The following NBPF11 variants were observed in gnomAD, a reference collection of about 807,000 sequenced individuals.
The protein encoded by NBPF11 is NBPF member 11, also known as NBPF family member NBPF11.
Under a neutral mutation model 93.9 loss-of-function variants are expected in NBPF11, and 72 were observed. The ratio of observed to expected loss-of-function variants is 0.77; its 90% CI spans 0.63 to 0.93. NBPF11 has a LOEUF of 0.93. Ranked by LOEUF, NBPF11 falls within the 40% of genes least tolerant of loss-of-function variation. NBPF11 has a pLI of 0.00. For synonymous variants in NBPF11, 224 were observed against 304.9 expected (o/e 0.73, Z 2.76); for missense variants, 705 against 802.2 (o/e 0.88, Z 1.46).
chr1:148,112,152 G>GTATATATA (rs1174997764), intron 15 of NBPF11, among the ~76,000 whole-genome samples: 6 of 119,690 alleles, frequency 5.0e-5, no homozygotes, highest in Admixed American at 1.7e-4. Flanking sequence ...TTGTGTGTAT[G>GTATATATA]TATATATATA....
At chr1:148,117,099 A>T (rs1224125430) in intron 12 of NBPF11, among the ~76,000 whole-genome samples, 1 of 151,802 alleles carries the variant, frequency 6.6e-6, no homozygotes, top group African/African-American at 2.4e-5. Context: ...TCATTTTGGA[A>T]AGCAGTTGTA....
At chr1:148,150,049 T>C (rs1419626317) in intron 1 of NBPF11, among the ~76,000 whole-genome samples, 3 of 151,808 alleles carry the variant, frequency 2.0e-5, no homozygotes, top group African/African-American at 4.9e-5. Context: ...ATCATTCATA[T>C]AGCTCTAAAA....
At chr1:148,111,618 A>C (rs1665292926) in intron 15 of NBPF11, among the ~76,000 whole-genome samples, 1 of 151,434 alleles carries the variant, frequency 6.6e-6, no homozygotes, top group South Asian at 2.1e-4. Context: ...CACAAGCTTC[A>C]GTAGCCAATT....
chr1:148,122,855 C>T (rs1370180216), intron 7 of NBPF11, 54 bp from the exon 8 acceptor site: 187 of 1,608,076 alleles, frequency 1.2e-4, no homozygotes, highest in Non-Finnish European at 1.5e-4. Context: ...TCTGCAAGCA[C>T]AGTCAGCCCA....
At chr1:148,146,637 C>A (rs1448242363) in intron 1 of NBPF11, 7 of 1,611,328 alleles carry the variant, frequency 4.3e-6, no homozygotes, top group Non-Finnish European at 5.9e-6. Flanking sequence ...ACAGCCAGCG[C>A]GAGCTGGACA....
chr1:148,108,156 G>A (rs1441585073), intron 18 of NBPF11, among the ~76,000 whole-genome samples: 1 of 149,288 alleles, frequency 6.7e-6, no homozygotes, highest in African/African-American at 2.5e-5. Context: ...TGAAAGTAGA[G>A]TGAAGGATGA....
intron 20 of NBPF11, among the ~76,000 whole-genome samples, 165 bp from the exon 21 acceptor site, chr1:148,106,397 T>C (rs1284322762): frequency 2.0e-5 from 3 of 149,338 alleles, no homozygotes; most frequent in Non-Finnish European, 4.4e-5. Context: ...TGATATTCTT[T>C]GGTTTGCATC....
rs1262882875 is a variant in NBPF11, at chr1:148,106,837, T to C, written c.2251+105A>G. On this transcript the variant is annotated intron_variant, in intron 20 of 23. Coordinates refer to ENST00000682118, the MANE Select transcript of NBPF11 (RefSeq NM_001385469.3). ...TATATGCACCCATAGGTCCTGCCTG[T>C]GGCAATGAAGTCTCTCGGGTCAGTA... 35 of 802,076 alleles carry C rather than the reference T, an allele frequency of 4.4e-5. 1 individual carries two copies. Among genetic ancestry groups the C allele is most frequent in the African/African-American group, 2.4e-4 (13 of 54,246 alleles). The allele number at this position is 802,076 out of a possible 1,614,324, so 49.7% of individuals were successfully genotyped here. A position where few individuals can be genotyped will look rare whatever the true frequency, so the allele number is the denominator to read the frequency against.
At chr1:148,148,136 C>T (rs1230323663) in intron 1 of NBPF11, among the ~76,000 whole-genome samples, 2 of 152,200 alleles carry the variant, frequency 1.3e-5, no homozygotes, top group Non-Finnish European at 2.9e-5. Flanking sequence ...CGAGGCAGAG[C>T]TGGGGCCACA....
chr1:148,123,589 C>T (rs1268175409), intron 7 of NBPF11, among the ~76,000 whole-genome samples: 4 of 151,584 alleles, frequency 2.6e-5, no homozygotes, highest in Non-Finnish European at 5.9e-5. Flanking sequence ...AGCCTCCTTC[C>T]TGTCCTTTAA....
intron 7 of NBPF11, 92 bp downstream of exon 7, chr1:148,123,761 C>T (rs2149242535): frequency 1.2e-6 from 2 of 1,608,072 alleles, no homozygotes; most frequent in Non-Finnish European, 1.7e-6. Flanking sequence ...GAAAAAAACC[C>T]CACTGATACA....
chr1:148,122,003 G>C lies in NBPF11; in HGVS notation c.778+52C>G, dbSNP rs1667984104. Reference sequence around the variant, plus strand: ...GTATATACAGCCTGTCCTCAGAATTGATCTTCCATAGCCTAGACAGAGGTA... The same window carrying C: ...GTATATACAGCCTGTCCTCAGAATTCATCTTCCATAGCCTAGACAGAGGTA... On this transcript the variant is annotated intron_variant, in intron 9 of 23. Transcript: ENST00000682118. 6 of 1,019,038 alleles carry C rather than the reference G, an allele frequency of 5.9e-6. No individual in the cohort carries two copies. The African/African-American group carries it at 9.4e-5, about 16-fold the overall frequency. The allele number at this position is 1,019,038 out of a possible 1,614,324, so 63.1% of individuals were successfully genotyped here.
At position 148,125,015 on chromosome 1, in the gene NBPF11, G is replaced by A. The variant is rs1668773716; in HGVS notation, c.176-14C>T. The A allele has an allele frequency of 6.4e-7, 1 of 1,556,860 alleles. No individual in the cohort carries two copies. Among genetic ancestry groups the A allele is most frequent in the African/African-American group, 1.4e-5 (1 of 73,830 alleles). On this transcript the variant is annotated splice_polypyrimidine_tract_variant and intron_variant, in intron 5 of 23. Transcript: ENST00000682118. The stretch of plus-strand genomic sequence containing the variant: ...ACTCTTCATACTCTGAGAAAAGACA[G>A]ACACGCCTGCCTCAGTGGAAGGCTG...
chr1:148,146,723 C>T, intron 1 of NBPF11: 4 of 1,612,158 alleles, frequency 2.5e-6, no homozygotes, highest in Non-Finnish European at 3.4e-6. Flanking sequence ...GTGCCTGGTG[C>T]CAGGTACACG....
chr1:148,136,363 A>G (rs1254262784), intron 3 of NBPF11, among the ~76,000 whole-genome samples: 1 of 152,046 alleles, frequency 6.6e-6, no homozygotes, highest in Non-Finnish European at 1.5e-5. Context: ...GTATTCAAAT[A>G]TCTATCAATA....
Position 148,104,456 on chromosome 1 carries a change from T to C in NBPF11, c.2581+81A>G, listed in dbSNP as rs2149160587. The C allele has an allele frequency of 1.5e-5, 9 of 602,062 alleles. No individual in the cohort carries two copies. In the South Asian group the frequency reaches 1.8e-4, roughly 12 times the overall value. The allele number at this position is 602,062 out of a possible 1,614,324, so 37.3% of individuals were successfully genotyped here. A position where few individuals can be genotyped will look rare whatever the true frequency, so the allele number is the denominator to read the frequency against. ...TTCAGCCTTCGTTGAAAACATGACA[T>C]CAAACACACTCTGGTTTCCCTGAAT... On this transcript the variant is annotated intron_variant, in intron 23 of 23. Coordinates refer to ENST00000682118, the MANE Select transcript of NBPF11 (RefSeq NM_001385469.3).
chr1:148,115,362 G>A (rs1387100842), intron 14 of NBPF11, among the ~76,000 whole-genome samples: 3 of 149,834 alleles, frequency 2.0e-5, no homozygotes, highest in Admixed American at 6.6e-5. Context: ...CTGACTTAAA[G>A]GAGATCCAGA....
chr1:148,102,947 C>T lies in NBPF11; in HGVS notation c.*949G>A, dbSNP rs1367091538. 71 of 148,972 alleles carry T rather than the reference C, an allele frequency of 4.8e-4. No homozygotes were observed. The highest frequency in any genetic ancestry group is 1.3e-3 in the African/African-American group (48 of 37,806). The allele number at this position is 148,972 out of a possible 1,614,324, so 9.2% of individuals were successfully genotyped here. On this transcript the variant is annotated 3_prime_UTR_variant, in exon 24 of 24. Transcript: ENST00000682118. Reference sequence around the variant, plus strand: ...CGTTTTCTGCAAGAACATGGCATTGCTCATATTCTGCACCGGCAGAGTCCT... The same window carrying T: ...CGTTTTCTGCAAGAACATGGCATTGTTCATATTCTGCACCGGCAGAGTCCT...
At chr1:148,111,258 T>A (rs1339495617) in intron 15 of NBPF11, among the ~76,000 whole-genome samples, 1 of 152,062 alleles carries the variant, frequency 6.6e-6, no homozygotes, top group Non-Finnish European at 1.5e-5. Context: ...GTCACCATCA[T>A]CAAAGACCAA....
Sources: allele counts gnomAD v4.1 joint callset (sites outside exome capture counted in the v4.1 genomes callset), GRCh38; gene constraint gnomAD v4.1.1; transcripts MANE v1.5; gene names NCBI Gene and HGNC (gene_info 2026-07-23, HGNC 2026-07-21).